The following GRIN2A variants were observed in gnomAD, a reference collection of about 807,000 sequenced individuals.
The protein encoded by GRIN2A is glutamate ionotropic receptor NMDA type subunit 2A.
In GRIN2A, 22 loss-of-function variants were observed where a neutral mutation model predicts 113.4. The observed-to-expected ratio is 0.19, with a 90% CI of 0.14 to 0.28. GRIN2A has a LOEUF of 0.28. GRIN2A is among the 10% of genes least tolerant of loss of function. The probability of loss-of-function intolerance (pLI) is 1.00; values close to 1 mark genes in which losing one functional copy is unlikely to be tolerated. For missense variants in GRIN2A, 1,502 were observed against 1,887.0 expected (o/e 0.80, Z 3.78); for synonymous variants, 827 against 738.4 (o/e 1.12, Z -1.94).
chr16:10,026,879 CTT>C (rs1416067371), intron 2 of GRIN2A, among the ~76,000 whole-genome samples: 1 of 152,192 alleles, frequency 6.6e-6, no homozygotes, highest in Non-Finnish European at 1.5e-5. Flanking sequence ...AGTCCCCTCT[CTT>C]TCTCAATCAC....
chr16:10,000,166 C>T (rs1596404050), intron 2 of GRIN2A, among the ~76,000 whole-genome samples: 2 of 152,098 alleles, frequency 1.3e-5, no homozygotes, highest in South Asian at 2.1e-4. Context: ...AGGATAATCT[C>T]CCCATTTCAA....
rs555566366 is a variant in GRIN2A, at chr16:10,111,792, T to C, written c.414+68206A>G. The C allele has an allele frequency of 4.4e-4, 630 of 1,421,120 alleles. 2 individuals are homozygous for C. In the African/African-American group the frequency reaches 7.6e-3, roughly 17 times the overall value. The allele number at this position is 1,421,120 out of a possible 1,614,324, so 88.0% of individuals were successfully genotyped here. On this transcript the variant is annotated intron_variant, in intron 2 of 12. Coordinates refer to ENST00000330684, the MANE Select transcript of GRIN2A (RefSeq NM_001134407.3). ...ATGTGCTGGAGGCCAAGATCCGGCATGGCTTCTCTTGCATCCTCATCACTG... is the reference window on the plus strand; with the variant it reads ...ATGTGCTGGAGGCCAAGATCCGGCACGGCTTCTCTTGCATCCTCATCACTG...
At chr16:9,782,436 A>C (rs930844528) in intron 11 of GRIN2A, among the ~76,000 whole-genome samples, 23 of 152,280 alleles carry the variant, frequency 1.5e-4, no homozygotes, top group Admixed American at 2.6e-4. Flanking sequence ...TGTATATATA[A>C]TATATTGCCT....
chr16:10,111,735 C>A, intron 2 of GRIN2A: 1 of 1,529,486 alleles, frequency 6.5e-7, no homozygotes, highest in Non-Finnish European at 9.0e-7. Context: ...TCACGGACCC[C>A]GTGGTGCTGA....
chr16:9,926,754 G>C (rs2044474567), intron 3 of GRIN2A, among the ~76,000 whole-genome samples: 1 of 152,188 alleles, frequency 6.6e-6, no homozygotes, highest in African/African-American at 2.4e-5. Context: ...GTACTGCGCA[G>C]AGATGACAGT....
chr16:9,903,055 A>C lies in GRIN2A; in HGVS notation c.1008-11955T>G, dbSNP rs377639325. 1.1e-4 allele frequency among the ~76,000 whole-genome samples: 15 copies of C among 138,680 alleles called. No individual in the cohort carries two copies. The East Asian group carries it at 1.3e-3, about 12-fold the overall frequency. 91.0% of individuals were successfully genotyped at this position (138,680 alleles called of 152,430 possible). On this transcript the variant is annotated intron_variant, in intron 3 of 12. Coordinates refer to ENST00000330684, the MANE Select transcript of GRIN2A (RefSeq NM_001134407.3). ...ACGATCTCGGCTCATTGCAACCCCC[A>C]CCTCCTGGATTCAAGCGATTCACCT...
At chr16:10,126,670 C>T (rs1184288248) in intron 2 of GRIN2A, among the ~76,000 whole-genome samples, 2 of 152,142 alleles carry the variant, frequency 1.3e-5, no homozygotes, top group Non-Finnish European at 2.9e-5. Context: ...GTATCACCAA[C>T]GTTTTTCCCT....
intron 2 of GRIN2A, among the ~76,000 whole-genome samples, chr16:9,996,005 G>C (rs1167513207): frequency 8.1e-5 from 2 of 24,644 alleles, no homozygotes; most frequent in African/African-American, 1.6e-4. Context: ...GGAATAAAAA[G>C]AAAGCAGGCA....
chr16:10,137,220 G>T (rs1375258928), intron 2 of GRIN2A, among the ~76,000 whole-genome samples: 1 of 152,206 alleles, frequency 6.6e-6, no homozygotes, highest in Non-Finnish European at 1.5e-5. Context: ...ATATGGGAAA[G>T]CCCCAACAGC....
intron 2 of GRIN2A, among the ~76,000 whole-genome samples, chr16:10,070,406 C>T (rs72774115): frequency 0.092 from 13,971 of 152,212 alleles, 721 homozygotes; most frequent in Non-Finnish European, 0.11. Flanking sequence ...TGCATTTTAA[C>T]CAAATCCCAG....
chr16:10,155,876 C>T (rs1285440571), intron 2 of GRIN2A, among the ~76,000 whole-genome samples: 4 of 152,144 alleles, frequency 2.6e-5, no homozygotes, highest in African/African-American at 9.7e-5. Flanking sequence ...CAATTACCTC[C>T]CACTGAATCC....
intron 11 of GRIN2A, among the ~76,000 whole-genome samples, chr16:9,778,771 T>C (rs1352719579): frequency 1.3e-5 from 2 of 152,242 alleles, no homozygotes; most frequent in Non-Finnish European, 2.9e-5. Context: ...TATTTATAAC[T>C]GCTGATGCCC....
At chr16:9,913,125 CCA>C (rs1416885786) in intron 3 of GRIN2A, among the ~76,000 whole-genome samples, 2 of 152,188 alleles carry the variant, frequency 1.3e-5, no homozygotes, top group Non-Finnish European at 2.9e-5. Context: ...TTTCACTGAA[CCA>C]CAGTTATTTC....
At chr16:9,801,553 T>C (rs371662220) in intron 10 of GRIN2A, among the ~76,000 whole-genome samples, 25 of 152,354 alleles carry the variant, frequency 1.6e-4, no homozygotes, top group African/African-American at 5.5e-4. Flanking sequence ...TGGACAGGCA[T>C]AGACATCTTC....
chr16:10,174,382 C>A (rs1388821572), intron 2 of GRIN2A, among the ~76,000 whole-genome samples: 1 of 152,198 alleles, frequency 6.6e-6, no homozygotes, highest in Non-Finnish European at 1.5e-5. Context: ...CACACCCTCA[C>A]AGATACAGGG....
chr16:10,111,460 G>A (rs577243050), intron 2 of GRIN2A: 25 of 600,580 alleles, frequency 4.2e-5, no homozygotes, highest in South Asian at 1.4e-4. Flanking sequence ...CTTCCTCGGC[G>A]CCAACTGCCG....
At position 9,916,068 on chromosome 16, in the gene GRIN2A, A is replaced by C. The variant is rs59465479; in HGVS notation, c.1007+21891T>G. Among the ~76,000 whole-genome samples the C allele has an allele frequency of 6.8e-3, 1,032 of 152,206 alleles. 8 individuals carry two copies. Among genetic ancestry groups the C allele is most frequent in the African/African-American group, 0.024 (983 of 41,574 alleles). ...TTTGTCTTCTGGAGTTGGAGGCATA[A>C]GAGTTAGGTCAATCTCTTTGTGTAA... On this transcript the variant is annotated intron_variant, in intron 3 of 12. Transcript: ENST00000330684.
rs754929136 is a variant in GRIN2A, at chr16:10,043,990, C to CGT, written c.415-105441_415-105440dup. Among the ~76,000 whole-genome samples, 1,052 of 107,464 alleles carry CGT rather than the reference C, an allele frequency of 9.8e-3. 6 individuals are homozygous for CGT. Among genetic ancestry groups the CGT allele is most frequent in the Admixed American group, 0.013 (130 of 10,050 alleles). 70.5% of individuals were successfully genotyped at this position (107,464 alleles called of 152,430 possible). ...ACACACACATATATATATACACATACGTGTGTGTGTGTGTGTGTATATATA... is the reference window on the plus strand; with the variant it reads ...ACACACACATATATATATACACATACGTGTGTGTGTGTGTGTGTGTATATATA... On this transcript the variant is annotated intron_variant, in intron 2 of 12. Coordinates refer to ENST00000330684, the MANE Select transcript of GRIN2A (RefSeq NM_001134407.3).
At chr16:9,792,749 T>G (rs1690019350) in intron 11 of GRIN2A, among the ~76,000 whole-genome samples, 1 of 152,136 alleles carries the variant, frequency 6.6e-6, no homozygotes, top group African/African-American at 2.4e-5. Flanking sequence ...CCACAACCAT[T>G]AAAACTGAGC....
Sources: gnomAD v4.1 joint callset for allele counts (sites outside exome capture counted in the v4.1 genomes callset) on GRCh38, gnomAD v4.1.1 for gene constraint, MANE v1.5 for transcripts, NCBI Gene and HGNC (gene_info 2026-07-23, HGNC 2026-07-21) for gene names.